Variants in RBFOX1 observed in about 807,000 individuals in gnomAD.
The protein encoded by RBFOX1 is RNA binding fox-1 homolog 1, also known as RNA binding protein fox-1 homolog 1.
Under a neutral mutation model 57.7 loss-of-function variants are expected in RBFOX1, and 8 were observed. The ratio of observed to expected loss-of-function variants is 0.14; its 90% confidence interval spans 0.08 to 0.25. RBFOX1 has a LOEUF of 0.25. Among genes scored for constraint, RBFOX1 ranks in the 10% least tolerant of loss-of-function variants. The pLI, the probability that RBFOX1 is intolerant of heterozygous loss-of-function variation, is 1.00. For synonymous variants in RBFOX1, 326 were observed against 222.4 expected, an observed-to-expected ratio of 1.47 and a Z score of -4.15; for missense variants, 611 against 548.5, an observed-to-expected ratio of 1.11 and a Z score of -1.14.
chr16:6,152,315 T>G (rs943409071), intron 1 of RBFOX1, among the ~76,000 whole-genome samples: 1 of 152,204 alleles, frequency 6.6e-6, no homozygotes, highest in African/African-American at 2.4e-5. Flanking sequence ...TCATCTTTTC[T>G]CCTGCTCTCT....
intron 5 of RBFOX1, among the ~76,000 whole-genome samples, chr16:7,533,632 T>C (rs927758905): frequency 9.9e-5 from 15 of 152,218 alleles, no homozygotes; most frequent in African/African-American, 3.1e-4. Context: ...AAGCCTCTTT[T>C]ATACTGAAGT....
At chr16:6,965,805 C>G (rs559263781) in intron 3 of RBFOX1, among the ~76,000 whole-genome samples, 113 of 152,276 alleles carry the variant, frequency 7.4e-4, no homozygotes, top group Middle Eastern at 3.4e-3. Flanking sequence ...GTTCATTAGT[C>G]AGTCTTTTAA....
chr16:6,884,396 C>T (rs2063553311), intron 3 of RBFOX1, among the ~76,000 whole-genome samples: 1 of 152,182 alleles, frequency 6.6e-6, no homozygotes, highest in South Asian at 2.1e-4. Context: ...ATGCAAGCAA[C>T]CACTTGTCTA....
At chr16:5,579,156 A>G (rs1291335774) in intron 2 of RBFOX1, among the ~76,000 whole-genome samples, 1 of 151,792 alleles carries the variant, frequency 6.6e-6, no homozygotes, top group African/African-American at 2.4e-5. Context: ...CCACACCCCT[A>G]ATTCTCTAAA....
intron 1 of RBFOX1, among the ~76,000 whole-genome samples, chr16:6,033,698 A>T (rs1171148765): frequency 6.6e-6 from 1 of 152,044 alleles, no homozygotes; most frequent in Admixed American, 6.6e-5. Context: ...CCTCCTTTTG[A>T]TGGATATTTA....
intron 3 of RBFOX1, among the ~76,000 whole-genome samples, chr16:6,834,571 C>A (rs1019903285): frequency 1.2e-4 from 18 of 152,036 alleles, no homozygotes; most frequent in Admixed American, 1.2e-3. Flanking sequence ...GTGATTTGTT[C>A]TTAAAAAGAA....
At chr16:6,748,523 G>C (rs959716058) in intron 3 of RBFOX1, among the ~76,000 whole-genome samples, 2 of 152,024 alleles carry the variant, frequency 1.3e-5, no homozygotes, top group African/African-American at 4.8e-5. Flanking sequence ...AAAATTAGCT[G>C]GCCATGATGG....
intron 1 of RBFOX1, among the ~76,000 whole-genome samples, chr16:5,351,486 T>C (rs1371756039): frequency 6.6e-6 from 1 of 152,224 alleles, no homozygotes; most frequent in African/African-American, 2.4e-5. Flanking sequence ...ATTGAACTGA[T>C]GCCTATTGAT....
chr16:7,024,078 G>C (rs1454253303), intron 3 of RBFOX1, among the ~76,000 whole-genome samples: 1 of 152,050 alleles, frequency 6.6e-6, no homozygotes, highest in African/African-American at 2.4e-5. Flanking sequence ...TTAACAGCAG[G>C]GTGTGGCTTG....
chr16:6,019,937 A>G lies in RBFOX1; in HGVS notation c.-182A>G. ...CTGGGGGTGCAGAGAGCGCACGGGA[A>G]TTCGGGGGTCTGGGGCCGAGAACGT... On this transcript the variant is annotated 5_prime_UTR_variant, in exon 1 of 16. Coordinates refer to ENST00000550418, the MANE Select transcript of RBFOX1 (RefSeq NM_018723.4). The surrounding 1 kb of genome is among the most constrained non-coding windows in gnomAD (Gnocchi z 4.2). 2 of 1,534,332 alleles carry G rather than the reference A, an allele frequency of 1.3e-6. No homozygotes were observed. The highest frequency in any genetic ancestry group is 1.7e-6 in the Non-Finnish European group (2 of 1,146,154).
At chr16:6,749,332 C>T (rs910305215) in intron 3 of RBFOX1, among the ~76,000 whole-genome samples, 1 of 152,196 alleles carries the variant, frequency 6.6e-6, no homozygotes, top group Non-Finnish European at 1.5e-5. Context: ...AGGACGCATT[C>T]CACACAGCGC....
intron 2 of RBFOX1, among the ~76,000 whole-genome samples, chr16:6,448,156 C>CCTTTTTT (rs2094523408): frequency 1.3e-5 from 1 of 78,460 alleles, no homozygotes; most frequent in Non-Finnish European, 2.2e-5. Context: ...TCTTTTCTTT[C>CCTTTTTT]TTTTTTTTTT....
intron 3 of RBFOX1, among the ~76,000 whole-genome samples, chr16:5,744,341 A>G (rs1219722462): frequency 1.3e-5 from 2 of 152,082 alleles, no homozygotes; most frequent in Non-Finnish European, 2.9e-5. Context: ...TTGTGTTTTA[A>G]TTATTTATCT....
At position 5,466,370 on chromosome 16, in the gene RBFOX1, T is replaced by C. The variant is rs545366262; in HGVS notation, c.220-846T>C. 1.4e-3 allele frequency among the ~76,000 whole-genome samples: 220 copies of C among 151,990 alleles called. 1 individual carries two copies. The highest frequency in any genetic ancestry group is 2.0e-3 in the East Asian group (10 of 5,116). On this transcript the variant is annotated intron_variant, in intron 1 of 2. Coordinates refer to the RBFOX1 transcript ENST00000585867. The stretch of plus-strand genomic sequence containing the variant: ...CATGTGTGGGGTTTGATCTCCTCCA[T>C]GGGGGCTGCATTTGGTGAGGGGAGG...
chr16:6,521,277 C>T (rs1286254165), intron 2 of RBFOX1, among the ~76,000 whole-genome samples: 1 of 152,108 alleles, frequency 6.6e-6, no homozygotes, highest in East Asian at 1.9e-4. Flanking sequence ...GGTGCATGCA[C>T]GTTTTTAAAG....
intron 3 of RBFOX1, among the ~76,000 whole-genome samples, chr16:6,815,702 C>T (rs1006906369): frequency 3.3e-5 from 5 of 152,148 alleles, no homozygotes; most frequent in African/African-American, 1.2e-4. Flanking sequence ...AGCGACAGAA[C>T]ACACACTTAA....
intron 2 of RBFOX1, among the ~76,000 whole-genome samples, chr16:6,565,585 A>G (rs955827853): frequency 6.7e-6 from 1 of 148,612 alleles, no homozygotes; most frequent in Non-Finnish European, 1.5e-5. Context: ...CTCCTGCCTC[A>G]GCCTCCCAAG....
chr16:7,690,545 C>T (rs766642158), intron 14 of RBFOX1, among the ~76,000 whole-genome samples: 1 of 152,084 alleles, frequency 6.6e-6, no homozygotes, highest in Non-Finnish European at 1.5e-5. Flanking sequence ...TTTAAATTCA[C>T]GGGTCTGTGT....
At chr16:6,244,503 C>G (rs1330207535) in intron 1 of RBFOX1, among the ~76,000 whole-genome samples, 3 of 152,038 alleles carry the variant, frequency 2.0e-5, no homozygotes, top group African/African-American at 4.8e-5. Context: ...TCTGTAACTT[C>G]ATACTTTTTT....
Sources: allele counts gnomAD v4.1 joint callset (sites outside exome capture counted in the v4.1 genomes callset), GRCh38; gene constraint gnomAD v4.1.1; non-coding constraint Gnocchi (gnomAD v3.1); transcripts MANE v1.5; gene names NCBI Gene and HGNC (gene_info 2026-07-23, HGNC 2026-07-21).